Variants in FAT3 observed in about 807,000 individuals in gnomAD.
FAT3 encodes the protein protocadherin Fat 3.
A neutral mutation model predicts 310.2 loss-of-function variants in FAT3; 95 were observed. The ratio of observed to expected loss-of-function variants is 0.31; its 90% CI spans 0.26 to 0.36. FAT3 has a LOEUF of 0.36. Ranked by LOEUF, FAT3 falls within the 10% of genes least tolerant of loss-of-function variation. FAT3 has a pLI of 1.00. For synonymous variants in FAT3, 2,314 were observed against 2,192.9 expected (o/e 1.06, Z -1.54); for missense variants, 5,408 against 5,715.6 (o/e 0.95, Z 1.74).
intron 2 of FAT3, among the ~76,000 whole-genome samples, chr11:92,386,536 G>A (rs938517732): frequency 1.1e-4 from 16 of 152,190 alleles, no homozygotes; most frequent in African/African-American, 2.9e-4. Flanking sequence ...CACCCAGTGC[G>A]TGAGCAATAA....
chr11:92,651,269 C>T (rs866174107), intron 3 of FAT3, among the ~76,000 whole-genome samples: 1 of 152,166 alleles, frequency 6.6e-6, no homozygotes, highest in Non-Finnish European at 1.5e-5. Context: ...TGGAAGAAGA[C>T]AGGAATGTGT....
intron 1 of FAT3, among the ~76,000 whole-genome samples, chr11:92,269,080 C>T (rs867283890): frequency 1.2e-4 from 18 of 152,180 alleles, no homozygotes; most frequent in African/African-American, 3.4e-4. Context: ...TCTCAAATTG[C>T]CTTGGGTCAC....
intron 2 of FAT3, among the ~76,000 whole-genome samples, chr11:92,450,876 A>C (rs1951337083): frequency 6.6e-6 from 1 of 152,184 alleles, no homozygotes; most frequent in African/African-American, 2.4e-5. Flanking sequence ...CAATATTGAA[A>C]ATCCTGGTAA....
intron 1 of FAT3, among the ~76,000 whole-genome samples, chr11:92,315,310 T>TG (rs1302549030): frequency 6.8e-6 from 1 of 146,468 alleles, no homozygotes; most frequent in Non-Finnish European, 1.5e-5. Flanking sequence ...GAGAGACACT[T>TG]GCAAATCAAA....
rs144268163 is a variant in FAT3, at chr11:92,765,193, C to T, written c.4195+104C>T. The T allele has an allele frequency of 1.7e-3, 1,681 of 1,001,616 alleles. 16 individuals carry two copies. In the African/African-American group the frequency reaches 0.024, roughly 14 times the overall value. 62.0% of individuals were successfully genotyped at this position (1,001,616 alleles called of 1,614,324 possible). On this transcript the variant is annotated intron_variant, in intron 6 of 27. Coordinates refer to ENST00000525166, the MANE Select transcript of FAT3 (RefSeq NM_001367949.2). ...GAAAGCAAAAAACTAACAATTAGTG[C>T]CAAGATTAAAAGATGTATAGTGCTG...
chr11:92,356,693 A>G (rs1469078448), intron 2 of FAT3, among the ~76,000 whole-genome samples: 1 of 152,172 alleles, frequency 6.6e-6, no homozygotes, highest in Non-Finnish European at 1.5e-5. Context: ...CTATCTCTAT[A>G]TAGCATCACA....
chr11:92,789,305 G>C (rs563832064), intron 7 of FAT3, among the ~76,000 whole-genome samples: 8 of 152,162 alleles, frequency 5.3e-5, no homozygotes, highest in Non-Finnish European at 8.8e-5. Flanking sequence ...ATACATACTT[G>C]AGTGTTCATT....
chr11:92,853,234 G>A (rs985157954), intron 19 of FAT3, among the ~76,000 whole-genome samples: 3 of 152,228 alleles, frequency 2.0e-5, no homozygotes, highest in Non-Finnish European at 4.4e-5. Context: ...TGCTATGGCA[G>A]GGCAGGCAGC....
At chr11:92,272,956 CT>C (rs1946167442) in intron 1 of FAT3, among the ~76,000 whole-genome samples, 1 of 152,104 alleles carries the variant, frequency 6.6e-6, no homozygotes, top group Non-Finnish European at 1.5e-5. Context: ...CTGGGAGAAG[CT>C]TACTCCAAGG....
chr11:92,890,629 G>A lies in FAT3; in HGVS notation c.13286G>A (p.Gly4429Asp), dbSNP rs764941742. 7 of 1,613,720 alleles carry A rather than the reference G, an allele frequency of 4.3e-6. No individual in the cohort carries two copies. In the South Asian group the frequency reaches 5.5e-5, roughly 13 times the overall value. ...GAGCTGGAGAGCGATTACTACCTGG[G>A]TGGTTATGACATTGACAGTGAATAC... is the stretch of plus-strand genomic sequence containing the variant. ...TRELESDYYL[G>D]GYDIDSEYPP... The change falls in exon 28 of 28, where the codon GGT (glycine) becomes GAT (aspartate). Residue 4429 changes from glycine (G) to aspartate (D), a missense_variant. By Grantham distance (94) the Gly-to-Asp change is moderately conservative (BLOSUM62 -1). This residue lies in a region of FAT3 where 649 missense variants were observed against 666.2 expected (regional missense o/e 0.97). Transcript: ENST00000525166.
chr11:92,423,547 A>G (rs1050833393), intron 2 of FAT3, among the ~76,000 whole-genome samples: 5 of 152,090 alleles, frequency 3.3e-5, no homozygotes, highest in African/African-American at 1.2e-4. Context: ...TATCACAACA[A>G]CTGGTGTAAC....
chr11:92,456,385 A>G (rs912866529), intron 2 of FAT3, among the ~76,000 whole-genome samples: 1 of 152,208 alleles, frequency 6.6e-6, no homozygotes, highest in Admixed American at 6.5e-5. Flanking sequence ...CACATGTATA[A>G]CATGTAGTCA....
chr11:92,322,819 A>G (rs1284305823), intron 1 of FAT3, among the ~76,000 whole-genome samples: 1 of 152,112 alleles, frequency 6.6e-6, no homozygotes, highest in Non-Finnish European at 1.5e-5. Flanking sequence ...CGCTGTTCCC[A>G]CCACATCTGC....
chr11:92,439,907 C>A (rs1007102617), intron 2 of FAT3, among the ~76,000 whole-genome samples: 2 of 151,406 alleles, frequency 1.3e-5, no homozygotes, highest in Non-Finnish European at 2.9e-5. Context: ...GAGAGTGAGA[C>A]CCTGTCTCAA....
intron 3 of FAT3, among the ~76,000 whole-genome samples, chr11:92,695,189 A>G (rs1402954180): frequency 2.0e-5 from 3 of 152,174 alleles, no homozygotes; most frequent in Non-Finnish European, 4.4e-5. Context: ...AAGTAAGGTC[A>G]ATAAAAAGTC....
At chr11:92,719,489 T>C (rs1944793307) in intron 4 of FAT3, among the ~76,000 whole-genome samples, 1 of 124,082 alleles carries the variant, frequency 8.1e-6, no homozygotes, top group Non-Finnish European at 1.8e-5. Context: ...ATATAAACTA[T>C]GAACTATGAA....
At chr11:92,374,957 G>C (rs1949301913) in intron 2 of FAT3, among the ~76,000 whole-genome samples, 1 of 152,004 alleles carries the variant, frequency 6.6e-6, no homozygotes. Context: ...TATCTCCCTG[G>C]TTTAGAGGAA....
At chr11:92,371,236 G>A (rs951661624) in intron 2 of FAT3, among the ~76,000 whole-genome samples, 5 of 152,134 alleles carry the variant, frequency 3.3e-5, no homozygotes, top group African/African-American at 1.2e-4. Context: ...ATTCTATGGG[G>A]TATGTACTCT....
chr11:92,868,941 A>G (rs1220573080), intron 22 of FAT3, among the ~76,000 whole-genome samples: 2 of 152,176 alleles, frequency 1.3e-5, no homozygotes, highest in Non-Finnish European at 2.9e-5. Context: ...CACTTGCCAT[A>G]TACTTTTCAT....
Sources: allele counts gnomAD v4.1 joint callset (sites outside exome capture counted in the v4.1 genomes callset), GRCh38; gene constraint gnomAD v4.1.1; regional missense constraint gnomAD v4.1.1; transcripts MANE v1.5; gene names NCBI Gene and HGNC (gene_info 2026-07-23, HGNC 2026-07-21).